Variants in ME1 observed in about 807,000 individuals in gnomAD.
ME1 encodes malic enzyme 1, also known as NADP-dependent malic enzyme.
A neutral mutation model predicts 66.4 loss-of-function variants in ME1; 74 were observed. That is an observed-to-expected ratio of 1.11 (90% CI 0.92 to 1.35). The LOEUF is 1.35. Ranked by LOEUF, ME1 falls within the 40% of genes most tolerant of loss-of-function variation. The probability of loss-of-function intolerance (pLI) is 0.00; values close to 1 mark genes in which losing one functional copy is unlikely to be tolerated. For missense variants in ME1, 750 were observed against 694.1 expected, an observed-to-expected ratio of 1.08 and a Z score of -0.90; for synonymous variants, 251 against 235.6, an observed-to-expected ratio of 1.07 and a Z score of -0.60.
chr6:83,403,858 C>T (rs1769881960), intron 2 of ME1, among the ~76,000 whole-genome samples: 1 of 152,160 alleles, frequency 6.6e-6, no homozygotes, highest in African/African-American at 2.4e-5. Context: ...GCATAGCATT[C>T]TATGGTGTAT....
At chr6:83,216,017 T>C (rs1789985539) in intron 13 of ME1, among the ~76,000 whole-genome samples, 1 of 152,230 alleles carries the variant, frequency 6.6e-6, no homozygotes, top group Non-Finnish European at 1.5e-5. Flanking sequence ...AGCTTTCAAG[T>C]TCTTTGACCT....
At chr6:83,219,071 C>T (rs1488014553) in intron 12 of ME1, among the ~76,000 whole-genome samples, 2 of 151,906 alleles carry the variant, frequency 1.3e-5, no homozygotes, top group South Asian at 2.1e-4. Context: ...GGGCTCTTAC[C>T]GAAATGGCAC....
At chr6:83,318,836 A>C (rs1263257622) in intron 5 of ME1, among the ~76,000 whole-genome samples, 1 of 104,306 alleles carries the variant, frequency 9.6e-6, no homozygotes, top group East Asian at 2.4e-4. Context: ...TCATGCTGCT[A>C]TAAAGACACA....
intron 1 of ME1, among the ~76,000 whole-genome samples, chr6:83,418,598 T>C (rs994520512): frequency 6.6e-6 from 1 of 152,210 alleles, no homozygotes; most frequent in African/African-American, 2.4e-5. Context: ...TTTGAACAAA[T>C]GTCTGTGCAC....
chr6:83,392,278 T>A, intron 3 of ME1: 4 of 494,780 alleles, frequency 8.1e-6, no homozygotes, highest in Non-Finnish European at 1.6e-5. Context: ...TCGCCATCAA[T>A]GACCCCTTCA....
At chr6:83,215,422 A>T (rs978351525) in intron 13 of ME1, among the ~76,000 whole-genome samples, 48 of 152,222 alleles carry the variant, frequency 3.2e-4, no homozygotes, top group African/African-American at 1.1e-3. Context: ...AATGTCCACA[A>T]CGCTGAAGTA....
chr6:83,244,286 C>T (rs773648658), intron 7 of ME1, among the ~76,000 whole-genome samples: 17 of 152,136 alleles, frequency 1.1e-4, no homozygotes, highest in Non-Finnish European at 2.1e-4. Context: ...CAGAATACTA[C>T]CTCCATCTGC....
chr6:83,350,594 T>A (rs1006833764), intron 4 of ME1, among the ~76,000 whole-genome samples: 1 of 151,984 alleles, frequency 6.6e-6, no homozygotes, highest in Non-Finnish European at 1.5e-5. Flanking sequence ...GCCTCCCAAG[T>A]AGCTGGGTGC....
intron 9 of ME1, among the ~76,000 whole-genome samples, chr6:83,236,152 A>G (rs973513140): frequency 6.6e-6 from 1 of 152,128 alleles, no homozygotes; most frequent in East Asian, 1.9e-4. Flanking sequence ...AAGCCTATAC[A>G]ATATACTAAT....
chr6:83,398,493 T>A lies in ME1; in HGVS notation c.236A>T (p.Gln79Leu). 1 of 1,566,306 alleles carries A rather than the reference T, an allele frequency of 6.4e-7. No homozygotes were observed. Among genetic ancestry groups the A allele is most frequent in the South Asian group, 1.2e-5 (1 of 85,094 alleles). ...ATAAAAGAGTTTTTCATTTCTATCT[T>A]GGAGATCCATTAAGAGAAGATACCT... Reference protein sequence around the residue: ...FDRYLLLMDLQDRNEKLFYRV... With the variant: ...FDRYLLLMDLLDRNEKLFYRV... The change falls in exon 3 of 14, where the codon CAA (glutamine) becomes CTA (leucine). Residue 79 changes from glutamine to leucine, a missense_variant. By Grantham distance (113) the Gln-to-Leu change is moderately radical. Transcript: ENST00000369705.
intron 6 of ME1, among the ~76,000 whole-genome samples, chr6:83,267,188 A>G (rs1413317627): frequency 6.6e-6 from 1 of 152,132 alleles, no homozygotes; most frequent in Non-Finnish European, 1.5e-5. Context: ...TGAGAAATAT[A>G]AAACAACACA....
At chr6:83,316,332 A>G (rs1768028936) in intron 5 of ME1, among the ~76,000 whole-genome samples, 1 of 152,190 alleles carries the variant, frequency 6.6e-6, no homozygotes, top group Admixed American at 6.5e-5. Flanking sequence ...CACTTTTATT[A>G]AATCAGTTTT....
intron 9 of ME1, among the ~76,000 whole-genome samples, chr6:83,234,137 T>C (rs1790352174): frequency 6.6e-6 from 1 of 152,172 alleles, no homozygotes; most frequent in African/African-American, 2.4e-5. Context: ...AGTAAATGTG[T>C]GTTAAAATTA....
At chr6:83,329,005 A>G (rs1390988109) in intron 5 of ME1, among the ~76,000 whole-genome samples, 1 of 152,190 alleles carries the variant, frequency 6.6e-6, no homozygotes, top group Non-Finnish European at 1.5e-5. Flanking sequence ...CAGAATTTAT[A>G]ACTGAAGCAT....
intron 5 of ME1, 92 bp from the exon 6 acceptor site, chr6:83,315,505 A>G: frequency 2.7e-6 from 2 of 736,146 alleles, no homozygotes; most frequent in South Asian, 3.5e-5. Context: ...AGGGACAAAA[A>G]TAGAAATAAA....
At chr6:83,397,741 C>A (rs1418069470) in intron 3 of ME1, among the ~76,000 whole-genome samples, 8 of 152,124 alleles carry the variant, frequency 5.3e-5, no homozygotes, top group Admixed American at 5.2e-4. Context: ...AGTCCATTAA[C>A]AGATGAATGG....
intron 4 of ME1, among the ~76,000 whole-genome samples, chr6:83,349,155 TGA>T (rs138577493): frequency 0.026 from 3,994 of 151,966 alleles, 183 homozygotes; most frequent in African/African-American, 0.088. Flanking sequence ...AAATATGTTT[TGA>T]GACATTTGAT....
chr6:83,222,197 T>A (rs1317436904), intron 12 of ME1, among the ~76,000 whole-genome samples: 1 of 152,250 alleles, frequency 6.6e-6, no homozygotes, highest in East Asian at 1.9e-4. Context: ...TACTTTTACA[T>A]GCTCTCTTAG....
intron 3 of ME1, among the ~76,000 whole-genome samples, chr6:83,359,505 C>T (rs1207902293): frequency 6.6e-6 from 1 of 152,170 alleles, no homozygotes; most frequent in East Asian, 1.9e-4. Context: ...TAAATAGGAA[C>T]TCTGCATTTA....
Sources: gnomAD v4.1 joint callset for allele counts (sites outside exome capture counted in the v4.1 genomes callset) on GRCh38, gnomAD v4.1.1 for gene constraint, MANE v1.5 for transcripts, NCBI Gene and HGNC (gene_info 2026-07-23, HGNC 2026-07-21) for gene names.